The following CCDC63 variants were observed in gnomAD, a reference collection of about 807,000 sequenced individuals.
The protein encoded by CCDC63 is coiled-coil domain-containing protein 63.
In CCDC63, 54 loss-of-function variants were observed where a neutral mutation model predicts 63.6. The observed-to-expected ratio is 0.85, with a 90% confidence interval of 0.68 to 1.07. The LOEUF is 1.07. CCDC63 is among the 50% of genes least tolerant of loss of function. CCDC63 has a pLI of 0.00. For synonymous variants in CCDC63, 253 were observed against 266.1 expected, an observed-to-expected ratio of 0.95 and a Z score of 0.48; for missense variants, 637 against 689.6, an observed-to-expected ratio of 0.92 and a Z score of 0.86.
In CCDC63 at chr12:110,898,036, C is replaced by T. The variant is rs142603308; in HGVS notation, c.1150-897C>T. ...GTGGCTCATGCCTGTAATCTCAGCA[C>T]AATGGGAGGCCAAAGTGGGAGGATT... On this transcript the variant is annotated intron_variant, in intron 9 of 11. Coordinates refer to ENST00000308208, the MANE Select transcript of CCDC63 (RefSeq NM_152591.3). 1.3e-3 allele frequency among the ~76,000 whole-genome samples: 197 copies of T among 152,064 alleles called. 1 individual carries two copies. The highest frequency in any genetic ancestry group is 1.9e-3 in the Non-Finnish European group (132 of 67,992).
intron 8 of CCDC63, among the ~76,000 whole-genome samples, chr12:110,892,458 A>G (rs748642427): frequency 1.5e-4 from 23 of 152,136 alleles, no homozygotes; most frequent in Non-Finnish European, 2.4e-4. Flanking sequence ...TCCTAGTGGC[A>G]CCAGTCATAT....
At chr12:110,857,905 G>A (rs967898846) in intron 3 of CCDC63, among the ~76,000 whole-genome samples, 3 of 151,998 alleles carry the variant, frequency 2.0e-5, no homozygotes, top group Non-Finnish European at 2.9e-5. Flanking sequence ...CCAGTAGTTC[G>A]AGACCAGCCT....
chr12:110,869,359 A>G (rs2071033098), intron 4 of CCDC63, among the ~76,000 whole-genome samples: 1 of 152,074 alleles, frequency 6.6e-6, no homozygotes, highest in African/African-American at 2.4e-5. Context: ...GCCTTTACCT[A>G]CCAGGGTTCC....
intron 10 of CCDC63, among the ~76,000 whole-genome samples, chr12:110,903,581 G>T (rs1212815407): frequency 6.6e-6 from 1 of 152,210 alleles, no homozygotes; most frequent in African/African-American, 2.4e-5. Context: ...TTAGCGTCTA[G>T]CACGGTGCAT....
chr12:110,897,556 T>C (rs35856328), intron 9 of CCDC63, among the ~76,000 whole-genome samples: 54,384 of 151,852 alleles, frequency 0.36, 10,096 homozygotes, highest in African/African-American at 0.43. Context: ...TATGATCACA[T>C]GACTGCACTC....
At chr12:110,904,428 T>C (rs1460797218) in intron 10 of CCDC63, among the ~76,000 whole-genome samples, 160 bp from the exon 11 acceptor site, 7 of 152,028 alleles carry the variant, frequency 4.6e-5, no homozygotes, top group Non-Finnish European at 8.8e-5. Context: ...TGAGAATGCA[T>C]AGTGACGCCC....
In CCDC63 at chr12:110,907,207, C is replaced by G. The variant is rs548035269; in HGVS notation, c.1547-124C>G. On this transcript the variant is annotated intron_variant, in intron 11 of 11. Transcript: ENST00000308208. This position sits in a 1 kb window ranked among gnomAD's most constrained non-coding sequence, Gnocchi z 4.4. ...AAGTATATTTCTGTTCATTCTCCCC[C>G]TCCTTGAAACCTGAGAATTTCCATG... 9 of 880,876 alleles carry G rather than the reference C, an allele frequency of 1.0e-5. No individual in the cohort carries two copies. The South Asian group carries it at 1.5e-4, about 15-fold the overall frequency. The allele number at this position is 880,876 out of a possible 1,614,324, so 54.6% of individuals were successfully genotyped here. A position where few individuals can be genotyped will look rare whatever the true frequency, so the allele number is the denominator to read the frequency against.
intron 10 of CCDC63, 151 bp from the exon 11 acceptor site, chr12:110,904,437 C>A: frequency 1.5e-6 from 1 of 652,928 alleles, no homozygotes; most frequent in South Asian, 1.9e-5. Context: ...ATAGTGACGC[C>A]CAGGAGAAAG....
At chr12:110,890,773 C>CTTTTTTTTTTTTTTTTTTTTTTTTTTTT (rs769120162) in intron 8 of CCDC63, among the ~76,000 whole-genome samples, 1 of 98,400 alleles carries the variant, frequency 1.0e-5, no homozygotes, top group African/African-American at 4.1e-5. Flanking sequence ...TCCTCCTTTT[C>CTTTTTTTTTTTTTTTTTTTTTTTTTTTT]TTTTTTTTTT....
chr12:110,861,147 C>T (rs1393386452), intron 4 of CCDC63, among the ~76,000 whole-genome samples: 6 of 152,064 alleles, frequency 3.9e-5, no homozygotes, highest in African/African-American at 1.4e-4. Flanking sequence ...TGGTGCCAAA[C>T]CATTCATGAA....
rs115904738 is a variant in CCDC63, at chr12:110,881,153, G to T, written c.710G>T (p.Arg237Leu). 6.2e-7 allele frequency: 1 copy of T among 1,612,034 alleles called. No homozygotes were observed. The highest frequency in any genetic ancestry group is 8.5e-7 in the Non-Finnish European group (1 of 1,179,600). ...GCTCGAATGGCTGCCATGAAAGACC[G>T]CCAGAAGAAGGACACCTCTCAGTAC... ...AMARMAAMKD[R>L]QKKDTSQYNL... is the part of the protein sequence containing the mutation. Residue 237 changes from arginine to leucine, a missense_variant, in exon 7 of 12, where the codon CGC becomes CTC. Coordinates refer to ENST00000308208, the MANE Select transcript of CCDC63 (RefSeq NM_152591.3).
At chr12:110,874,456 G>C (rs2071106307) in intron 5 of CCDC63, among the ~76,000 whole-genome samples, 1 of 152,144 alleles carries the variant, frequency 6.6e-6, no homozygotes, top group African/African-American at 2.4e-5. Context: ...TCCTTAAATT[G>C]CAATCTGGCT....
chr12:110,851,890 G>A (rs1858887), intron 1 of CCDC63, among the ~76,000 whole-genome samples: 111,514 of 152,074 alleles, frequency 0.73, 41,075 homozygotes, highest in African/African-American at 0.78. Flanking sequence ...AACTGAAGTG[G>A]CTTGCCCGAG....
intron 4 of CCDC63, among the ~76,000 whole-genome samples, chr12:110,873,558 C>T (rs945459525): frequency 1.3e-5 from 2 of 152,210 alleles, no homozygotes; most frequent in Admixed American, 6.5e-5. Flanking sequence ...AGGTGAGTGA[C>T]ATTTACATGC....
At chr12:110,874,198 C>G (rs1301907035) in intron 5 of CCDC63, among the ~76,000 whole-genome samples, 1 of 151,880 alleles carries the variant, frequency 6.6e-6, no homozygotes, top group African/African-American at 2.4e-5. Flanking sequence ...GATGCCTACT[C>G]TTAGTTCTCT....
chr12:110,890,967 T>C (rs1318089808), intron 8 of CCDC63, among the ~76,000 whole-genome samples: 2 of 151,946 alleles, frequency 1.3e-5, no homozygotes, highest in Non-Finnish European at 2.9e-5. Context: ...TTTGTAGAGA[T>C]GGAATATCAC....
chr12:110,860,721 C>T (rs1439341234), intron 4 of CCDC63, among the ~76,000 whole-genome samples: 3 of 152,092 alleles, frequency 2.0e-5, no homozygotes, highest in Non-Finnish European at 2.9e-5. Context: ...TCCCGTGTAG[C>T]TGGGATTACA....
intron 4 of CCDC63, among the ~76,000 whole-genome samples, chr12:110,865,478 A>G (rs907828901): frequency 2.0e-5 from 3 of 151,266 alleles, no homozygotes; most frequent in African/African-American, 4.8e-5. Context: ...AAAAAAAAAA[A>G]AAAAGAAAAA....
intron 9 of CCDC63, 78 bp downstream of exon 9, chr12:110,893,228 C>T: frequency 8.2e-7 from 1 of 1,226,744 alleles, no homozygotes; most frequent in Non-Finnish European, 1.2e-6. Flanking sequence ...TTCTGTCTGT[C>T]TGTCCGTCGG....
Sources: gnomAD v4.1 joint callset for allele counts (sites outside exome capture counted in the v4.1 genomes callset) on GRCh38, gnomAD v4.1.1 for gene constraint, Gnocchi (gnomAD v3.1) non-coding constraint, MANE v1.5 for transcripts, NCBI Gene and HGNC (gene_info 2026-07-23, HGNC 2026-07-21) for gene names.